Variants in CCSER1 observed in about 807,000 individuals in gnomAD.
CCSER1 encodes serine-rich coiled-coil domain-containing protein 1.
Under a neutral mutation model 82.0 loss-of-function variants are expected in CCSER1, and 41 were observed. The ratio of observed to expected loss-of-function variants is 0.50; its 90% CI spans 0.39 to 0.65. The LOEUF is 0.65. Among genes scored for constraint, CCSER1 ranks in the 30% least tolerant of loss-of-function variants. CCSER1 has a pLI of 0.00. For missense variants in CCSER1, 1,119 were observed against 1,064.2 expected (o/e 1.05, Z -0.72); for synonymous variants, 414 against 383.9 (o/e 1.08, Z -0.92).
intron 10 of CCSER1, among the ~76,000 whole-genome samples, chr4:91,594,577 TTG>T (rs1190309169): frequency 1.3e-5 from 2 of 151,576 alleles, no homozygotes; most frequent in Non-Finnish European, 2.9e-5. Context: ...TTTTAATATT[TTG>T]TGTTAAGAGG....
intron 1 of CCSER1, among the ~76,000 whole-genome samples, chr4:90,230,574 G>C (rs1373793529): frequency 6.6e-6 from 1 of 151,526 alleles, no homozygotes; most frequent in Non-Finnish European, 1.5e-5. Context: ...AGAAAAGCAA[G>C]AGCAAACACA....
chr4:90,223,861 A>G (rs1395999549), intron 1 of CCSER1, among the ~76,000 whole-genome samples: 1 of 152,212 alleles, frequency 6.6e-6, no homozygotes, highest in African/African-American at 2.4e-5. Context: ...GTCCTATGGG[A>G]GAGGAAATAA....
intron 9 of CCSER1, among the ~76,000 whole-genome samples, chr4:90,958,190 G>T (rs1182515765): frequency 6.6e-6 from 1 of 151,874 alleles, no homozygotes; most frequent in African/African-American, 2.4e-5. Flanking sequence ...CTTTTTTTCA[G>T]AAAACTATGA....
At chr4:90,375,010 C>G (rs56847631) in intron 3 of CCSER1, among the ~76,000 whole-genome samples, 1 of 152,024 alleles carries the variant, frequency 6.6e-6, no homozygotes, top group Admixed American at 6.6e-5. Flanking sequence ...CACTCTACTC[C>G]CTTCACTTCC....
At chr4:90,914,083 A>G (rs1726883504) in intron 8 of CCSER1, among the ~76,000 whole-genome samples, 1 of 152,208 alleles carries the variant, frequency 6.6e-6, no homozygotes, top group South Asian at 2.1e-4. Context: ...TAGACAGATC[A>G]ACAAGACAGA....
At chr4:91,377,165 T>G (rs1162529818) in intron 10 of CCSER1, among the ~76,000 whole-genome samples, 1 of 152,222 alleles carries the variant, frequency 6.6e-6, no homozygotes, top group Non-Finnish European at 1.5e-5. Flanking sequence ...GACATTTGGG[T>G]TGGTTCCAAG....
At chr4:91,309,875 G>C (rs937531018) in intron 10 of CCSER1, among the ~76,000 whole-genome samples, 4 of 152,032 alleles carry the variant, frequency 2.6e-5, no homozygotes, top group African/African-American at 9.6e-5. Context: ...CCACAAACTG[G>C]GTGGCTTAAC....
intron 1 of CCSER1, among the ~76,000 whole-genome samples, chr4:90,278,601 A>G (rs1035410896): frequency 6.6e-6 from 1 of 152,068 alleles, no homozygotes; most frequent in Admixed American, 6.6e-5. Context: ...TCATGTTATT[A>G]CTTACCGGTG....
intron 5 of CCSER1, among the ~76,000 whole-genome samples, chr4:90,498,822 C>T (rs932079170): frequency 6.6e-6 from 1 of 152,002 alleles, no homozygotes; most frequent in African/African-American, 2.4e-5. Flanking sequence ...ACTTACAAGT[C>T]TTATATTGTT....
intron 3 of CCSER1, among the ~76,000 whole-genome samples, chr4:90,329,616 G>T (rs1197086447): frequency 1.3e-5 from 2 of 151,940 alleles, no homozygotes; most frequent in African/African-American, 2.4e-5. Flanking sequence ...TACTTGATTT[G>T]TATTTGGCTA....
chr4:91,114,707 G>A (rs965571255), intron 10 of CCSER1, among the ~76,000 whole-genome samples: 2 of 152,234 alleles, frequency 1.3e-5, no homozygotes, highest in African/African-American at 2.4e-5. Context: ...GACGGCTCCC[G>A]CTTCTCCTTA....
At chr4:90,844,090 C>CA (rs1762898792) in intron 8 of CCSER1, among the ~76,000 whole-genome samples, 9 of 150,700 alleles carry the variant, frequency 6.0e-5, no homozygotes, top group African/African-American at 2.0e-4. Context: ...AAATCTCCTT[C>CA]CTCTGTTTGT....
At chr4:90,660,034 T>A (rs1216668507) in intron 6 of CCSER1, among the ~76,000 whole-genome samples, 2 of 151,482 alleles carry the variant, frequency 1.3e-5, no homozygotes, top group African/African-American at 2.4e-5. Context: ...CTTAAATAGA[T>A]GTTAATGAAG....
At chr4:90,805,376 AG>A (rs1406062640) in intron 7 of CCSER1, among the ~76,000 whole-genome samples, 1 of 152,172 alleles carries the variant, frequency 6.6e-6, no homozygotes, top group Non-Finnish European at 1.5e-5. Context: ...AGCTCAGTGA[AG>A]CTGTCAGTGG....
intron 5 of CCSER1, among the ~76,000 whole-genome samples, chr4:90,586,084 C>T (rs1026280061): frequency 3.9e-5 from 6 of 152,114 alleles, no homozygotes; most frequent in African/African-American, 1.4e-4. Context: ...TGTTAGGAAC[C>T]GGGCTGCACA....
chr4:90,378,331 T>A (rs1056550267), intron 3 of CCSER1, among the ~76,000 whole-genome samples: 2 of 152,156 alleles, frequency 1.3e-5, no homozygotes, highest in Non-Finnish European at 2.9e-5. Context: ...TAACAACAAA[T>A]GTGAGCTAGA....
At chr4:90,955,126 C>T (rs1206438472) in intron 9 of CCSER1, among the ~76,000 whole-genome samples, 22 of 152,040 alleles carry the variant, frequency 1.4e-4, no homozygotes, top group Admixed American at 1.4e-3. Flanking sequence ...ATTCTGTTTC[C>T]CCATTTGAAT....
At chr4:91,111,224 T>C (rs12503952) in intron 10 of CCSER1, among the ~76,000 whole-genome samples, 13,080 of 152,054 alleles carry the variant, frequency 0.086, 868 homozygotes, top group East Asian at 0.27. Context: ...AATTAAATTA[T>C]ACAAGGTCTG....
intron 7 of CCSER1, among the ~76,000 whole-genome samples, chr4:90,775,082 A>G (rs17245345): frequency 0.19 from 28,332 of 152,082 alleles, 3,284 homozygotes; most frequent in South Asian, 0.27. Flanking sequence ...AATTGATTTA[A>G]CAAAGGAAAA....
Sources: gnomAD v4.1 joint callset for allele counts (sites outside exome capture counted in the v4.1 genomes callset) on GRCh38, gnomAD v4.1.1 for gene constraint, MANE v1.5 for transcripts, NCBI Gene and HGNC (gene_info 2026-07-23, HGNC 2026-07-21) for gene names.